The following AXL variants were observed in gnomAD, a reference collection of about 807,000 sequenced individuals.
AXL encodes the protein AXL receptor tyrosine kinase.
A neutral mutation model predicts 104.5 loss-of-function variants in AXL; 52 were observed. That is an observed-to-expected ratio of 0.50 (90% confidence interval 0.40 to 0.63). The LOEUF (loss-of-function observed/expected upper bound fraction) is 0.63, where lower values mean the gene tolerates loss of function less well. Ranked by LOEUF, AXL falls within the 20% of genes least tolerant of loss-of-function variation. The pLI is 0.00. For missense variants in AXL, 1,024 were observed against 1,188.5 expected, an observed-to-expected ratio of 0.86 and a Z score of 2.04; for synonymous variants, 455 against 473.7, an observed-to-expected ratio of 0.96 and a Z score of 0.51.
chr19:41,236,133 C>G (rs923937619), intron 6 of AXL, among the ~76,000 whole-genome samples: 2 of 151,468 alleles, frequency 1.3e-5, no homozygotes, highest in African/African-American at 2.4e-5. Flanking sequence ...GAGTTCAAGA[C>G]CAGCCTGACC....
chr19:41,233,021 G>A (rs912550538), intron 6 of AXL, among the ~76,000 whole-genome samples: 1 of 151,118 alleles, frequency 6.6e-6, no homozygotes, highest in Admixed American at 6.6e-5. Context: ...ACAGAGTCTC[G>A]CTCTGTTACC....
intron 6 of AXL, among the ~76,000 whole-genome samples, chr19:41,237,346 G>C (rs2034097670): frequency 6.6e-6 from 1 of 152,154 alleles, no homozygotes; most frequent in Non-Finnish European, 1.5e-5. Context: ...AGGTTCAAGT[G>C]GTTCTCCTAT....
At chr19:41,245,662 C>T (rs1484336829) in intron 12 of AXL, among the ~76,000 whole-genome samples, 4 of 147,836 alleles carry the variant, frequency 2.7e-5, no homozygotes, top group African/African-American at 7.5e-5. Flanking sequence ...TGCAGTGAGC[C>T]GAGATCGTGC....
intron 10 of AXL, among the ~76,000 whole-genome samples, chr19:41,240,939 C>A (rs1370539830): frequency 6.6e-6 from 1 of 152,094 alleles, no homozygotes; most frequent in African/African-American, 2.4e-5. Flanking sequence ...CACCCTGAAC[C>A]CCTTGCATAC....
intron 6 of AXL, among the ~76,000 whole-genome samples, chr19:41,234,424 C>T (rs2034044565): frequency 6.6e-6 from 1 of 151,946 alleles, no homozygotes; most frequent in Non-Finnish European, 1.5e-5. Context: ...AGTTTGAGAC[C>T]TGCCTGGCCA....
chr19:41,259,445 T>C (rs2034501081), intron 19 of AXL, 108 bp from the exon 20 acceptor site: 5 of 944,172 alleles, frequency 5.3e-6, no homozygotes, highest in Non-Finnish European at 7.9e-6. Flanking sequence ...CCTATAACCC[T>C]CTAAAATGCC....
chr19:41,260,133 T>C lies in AXL; in HGVS notation c.*229T>C. On this transcript the variant is annotated 3_prime_UTR_variant, in exon 20 of 20. Coordinates refer to ENST00000301178, the MANE Select transcript of AXL (RefSeq NM_021913.5). ...AAAAGGAAGGGGTTGGATTGCAATA[T>C]CTGAAGCCCTCCCAGGTGTTAACAT... 2 of 497,474 alleles carry C rather than the reference T, an allele frequency of 4.0e-6. No individual in the cohort carries two copies. The highest frequency in any genetic ancestry group is 7.0e-6 in the Non-Finnish European group (2 of 283,764). The allele number at this position is 497,474 out of a possible 1,614,324, so 30.8% of individuals were successfully genotyped here. A position where few individuals can be genotyped will look rare whatever the true frequency, so the allele number is the denominator to read the frequency against.
intron 19 of AXL, 24 bp from the exon 20 acceptor site, chr19:41,259,529 C>T (rs748952832): frequency 1.9e-6 from 3 of 1,564,542 alleles, no homozygotes; most frequent in South Asian, 2.4e-5. Context: ...GCTCAATCTC[C>T]CACCCCTCAT....
intron 7 of AXL, 89 bp from the exon 8 acceptor site, chr19:41,238,381 C>A: frequency 1.9e-6 from 3 of 1,562,150 alleles, no homozygotes; most frequent in African/African-American, 1.4e-5. Flanking sequence ...ACGTGTGTGC[C>A]CTTGGCACCC....
At chr19:41,230,901 G>T in intron 4 of AXL, 66 bp from the exon 5 acceptor site, 3 of 1,536,084 alleles carry the variant, frequency 2.0e-6, no homozygotes, top group South Asian at 2.2e-5. Context: ...GGAGTGGCCC[G>T]GCATGGCCCC....
In AXL at chr19:41,238,164, G is replaced by GT. The variant is rs869229380; in HGVS notation, c.994+12dup. ...GAGACGCCGGAGGGAGGTAAGAAGGGTTGGGGAGGGACACGTCACCACTGC... is the reference window on the plus strand; with the variant it reads ...GAGACGCCGGAGGGAGGTAAGAAGGGTTTGGGGAGGGACACGTCACCACTGC... On this transcript the variant is annotated intron_variant, in intron 7 of 19. Coordinates refer to ENST00000301178, the MANE Select transcript of AXL (RefSeq NM_021913.5). The GT allele has an allele frequency of 1.9e-6, 3 of 1,613,608 alleles. No homozygotes were observed. Among genetic ancestry groups the GT allele is most frequent in the Non-Finnish European group, 1.7e-6 (2 of 1,179,804 alleles).
In AXL at chr19:41,245,206, G is replaced by A. The variant is rs1321928048; in HGVS notation, c.1537+1499G>A. Among the ~76,000 whole-genome samples the A allele has an allele frequency of 5.3e-5, 8 of 152,162 alleles. No homozygotes were observed. The South Asian group carries it at 6.2e-4, about 12-fold the overall frequency. Reference sequence around the variant, plus strand: ...TGGGATTACAGGTGTGAGCCACCACGCCTGGCCTGAAGTCTATACTCTGAA... The same window carrying A: ...TGGGATTACAGGTGTGAGCCACCACACCTGGCCTGAAGTCTATACTCTGAA... On this transcript the variant is annotated intron_variant, in intron 12 of 19. Transcript: ENST00000301178.
At chr19:41,226,016 G>GGCCTGCTC (rs1259812456) in intron 4 of AXL, among the ~76,000 whole-genome samples, 1 of 152,214 alleles carries the variant, frequency 6.6e-6, no homozygotes, top group Non-Finnish European at 1.5e-5. Context: ...ATCTGGAATC[G>GGCCTGCTC]GCCTGCTCCT....
At chr19:41,221,293 G>A (rs761470654) in intron 3 of AXL, 47 bp downstream of exon 3, 18 of 1,548,364 alleles carry the variant, frequency 1.2e-5, no homozygotes, top group Admixed American at 3.6e-5. Context: ...GACATGTGGC[G>A]CTCATAGGTT....
chr19:41,254,299 C>G (rs1278317561), intron 17 of AXL, among the ~76,000 whole-genome samples: 1 of 149,644 alleles, frequency 6.7e-6, no homozygotes, highest in Non-Finnish European at 1.5e-5. Flanking sequence ...ATTGCTTGAA[C>G]CCAGGAGGCG....
At position 41,256,452 on chromosome 19, in the gene AXL, G is replaced by C. The variant is rs1466691509; in HGVS notation, c.2037G>C (p.Met679Ile). The part of the protein sequence containing the change: ...IHRDLAARNC[M>I]LNENMSVCVA... ...CTGTTCCTTTCCCCAATCCAAACAG[G>C]CTGAATGAGAACATGTCCGTGTGTG... Residue 679 changes from methionine to isoleucine, a missense_variant and splice_region_variant, in exon 18 of 20, where the codon ATG (methionine) becomes ATC (isoleucine). Coordinates refer to ENST00000301178, the MANE Select transcript of AXL (RefSeq NM_021913.5). The C allele has an allele frequency of 6.2e-7, 1 of 1,612,258 alleles. No individual in the cohort carries two copies. Among genetic ancestry groups the C allele is most frequent in the South Asian group, 1.1e-5 (1 of 91,054 alleles).
Position 41,243,719 on chromosome 19 carries a change from C to A in AXL, c.1537+12C>A, listed in dbSNP as rs2122249874. The A allele has an allele frequency of 6.2e-7, 1 of 1,607,826 alleles. No individual in the cohort carries two copies. Among genetic ancestry groups the A allele is most frequent in the Non-Finnish European group, 8.5e-7 (1 of 1,174,280 alleles). On this transcript the variant is annotated intron_variant, in intron 12 of 19. Coordinates refer to ENST00000301178, the MANE Select transcript of AXL (RefSeq NM_021913.5). ...CACTGAAGCTACCTGTAAGTGAACC[C>A]TATGCCCCACTGCCCTGGCCTGGAT...
chr19:41,227,847 C>G (rs1330344891), intron 4 of AXL, among the ~76,000 whole-genome samples: 1 of 151,968 alleles, frequency 6.6e-6, no homozygotes, highest in African/African-American at 2.4e-5. Context: ...ACTGCAGTAC[C>G]AGGACAGTTG....
At position 41,253,514 on chromosome 19, in the gene AXL, C is replaced by G. The variant is rs1442091042; in HGVS notation, c.1927-85C>G. On this transcript the variant is annotated intron_variant, in intron 16 of 19. Transcript: ENST00000301178. ...CCATGGGAAACCACTGCGGGCAGAG[C>G]TAGGCTTGCACAGAGGGATGGAGGG... The G allele has an allele frequency of 2.9e-6, 3 of 1,022,896 alleles. No homozygotes were observed. The African/African-American group carries it at 4.7e-5, about 16-fold the overall frequency. 63.4% of individuals were successfully genotyped at this position (1,022,896 alleles called of 1,614,324 possible).
Sources: allele counts gnomAD v4.1 joint callset (sites outside exome capture counted in the v4.1 genomes callset), GRCh38; gene constraint gnomAD v4.1.1; transcripts MANE v1.5; gene names NCBI Gene and HGNC (gene_info 2026-07-23, HGNC 2026-07-21).